Variants in GALK2 observed in about 807,000 individuals in gnomAD.
The protein encoded by GALK2 is galactokinase 2.
Under a neutral mutation model 52.4 loss-of-function variants are expected in GALK2, and 36 were observed. The ratio of observed to expected loss-of-function variants is 0.69; its 90% CI spans 0.53 to 0.91. The LOEUF is 0.91. Among genes scored for constraint, GALK2 ranks in the 40% least tolerant of loss-of-function variants. The pLI is 0.00. For synonymous variants in GALK2, 176 were observed against 199.1 expected, an observed-to-expected ratio of 0.88 and a Z score of 0.98; for missense variants, 579 against 559.1, an observed-to-expected ratio of 1.04 and a Z score of -0.36.
At chr15:49,211,796 C>T (rs1193805797) in intron 2 of GALK2, among the ~76,000 whole-genome samples, 1 of 152,116 alleles carries the variant, frequency 6.6e-6, no homozygotes, top group Non-Finnish European at 1.5e-5. Flanking sequence ...ATCATGAGAA[C>T]CACACTCAGG....
intron 3 of GALK2, chr15:49,366,332 C>T (rs1025652316): frequency 2.5e-6 from 2 of 785,944 alleles, no homozygotes; most frequent in Non-Finnish European, 4.7e-6. Flanking sequence ...AAATAGGATA[C>T]TGTTATTGAC....
chr15:49,300,714 A>C (rs1265168387), intron 8 of GALK2, among the ~76,000 whole-genome samples: 1 of 152,040 alleles, frequency 6.6e-6, no homozygotes, highest in Non-Finnish European at 1.5e-5. Flanking sequence ...GGCTTTTCCA[A>C]CCTTCACTTG....
chr15:49,319,101 C>A (rs1192780446), intron 8 of GALK2: 2 of 373,676 alleles, frequency 5.4e-6, no homozygotes, highest in African/African-American at 4.3e-5. Flanking sequence ...CATGCACCCA[C>A]CATCATCATG....
chr15:49,322,381 C>T (rs2036947818), intron 9 of GALK2, among the ~76,000 whole-genome samples: 1 of 152,182 alleles, frequency 6.6e-6, no homozygotes, highest in Non-Finnish European at 1.5e-5. Context: ...AGATTATCTT[C>T]TGGCTTGTTG....
At chr15:49,277,911 C>A (rs549468027) in intron 5 of GALK2, among the ~76,000 whole-genome samples, 2 of 152,178 alleles carry the variant, frequency 1.3e-5, no homozygotes, top group Non-Finnish European at 2.9e-5. Context: ...TTACTACAGG[C>A]ATGTTTTATT....
At chr15:49,286,852 T>C (rs994302962) in intron 7 of GALK2, among the ~76,000 whole-genome samples, 17 of 152,190 alleles carry the variant, frequency 1.1e-4, no homozygotes, top group African/African-American at 3.6e-4. Flanking sequence ...AGTGTTGCCT[T>C]CCTAAGGAGA....
At chr15:49,205,395 TTTTTTGATTTTTAGATTA>T (rs2088193813) in intron 2 of GALK2, among the ~76,000 whole-genome samples, 2 of 152,180 alleles carry the variant, frequency 1.3e-5, no homozygotes, top group Admixed American at 1.3e-4. Flanking sequence ...ACATCTACTC[TTTTTTGATTTTTAGATTA>T]TGGCCATTCT....
At chr15:49,186,829 G>A (rs7169304) in intron 1 of GALK2, among the ~76,000 whole-genome samples, 35,862 of 152,050 alleles carry the variant, frequency 0.24, 4,637 homozygotes, top group South Asian at 0.33. Context: ...GAGCCACTGC[G>A]CCTGGTCTGT....
intron 5 of GALK2, among the ~76,000 whole-genome samples, chr15:49,244,353 A>G (rs1389136861): frequency 6.6e-6 from 1 of 152,140 alleles, no homozygotes; most frequent in Admixed American, 6.5e-5. Context: ...ACCAAAGAAT[A>G]TCATCTGGAA....
intron 1 of GALK2, among the ~76,000 whole-genome samples, chr15:49,175,930 A>AC (rs2085417382): frequency 6.6e-6 from 1 of 151,704 alleles, no homozygotes; most frequent in Admixed American, 6.6e-5. Flanking sequence ...TCTCATGTGG[A>AC]CCCCCTTAGA....
chr15:49,336,054 TGCCTTG>T (rs564366069), downstream of GALK2, among the ~76,000 whole-genome samples: 7 of 152,276 alleles, frequency 4.6e-5, no homozygotes, highest in East Asian at 1.9e-4. Context: ...GCAATCCTCC[TGCCTTG>T]GCCTCCCAAA....
intron 3 of GALK2, among the ~76,000 whole-genome samples, chr15:49,342,956 C>G (rs1034421370): frequency 6.6e-6 from 1 of 152,032 alleles, no homozygotes; most frequent in Admixed American, 6.6e-5. Flanking sequence ...AAGATTTTTT[C>G]TTTAGCACTG....
chr15:49,281,188 A>G (rs1457248125), intron 5 of GALK2, among the ~76,000 whole-genome samples: 1 of 152,224 alleles, frequency 6.6e-6, no homozygotes, highest in African/African-American at 2.4e-5. Flanking sequence ...TAGCTAGCCA[A>G]TAAACTGGAT....
intron 8 of GALK2, among the ~76,000 whole-genome samples, chr15:49,294,197 A>T (rs549757008): frequency 1.6e-4 from 24 of 151,616 alleles, no homozygotes; most frequent in South Asian, 2.1e-4. Flanking sequence ...GCAAGCAAGC[A>T]AGCTAGCCAG....
At chr15:49,156,142 C>T (rs1248801317) in intron 1 of GALK2, 1 of 920,002 alleles carries the variant, frequency 1.1e-6, no homozygotes, top group East Asian at 2.5e-5. Context: ...TTGTAGTTGA[C>T]AAAACAATTC....
At chr15:49,161,919 A>T (rs1007413284) in intron 1 of GALK2, 1 of 152,466 alleles carries the variant, frequency 6.6e-6, no homozygotes, top group Non-Finnish European at 1.5e-5. Flanking sequence ...AGGTTTCGCC[A>T]TGTTGGCCAG....
intron 3 of GALK2, among the ~76,000 whole-genome samples, chr15:49,338,934 G>C (rs771070127): frequency 1.3e-5 from 2 of 152,020 alleles, no homozygotes; most frequent in Non-Finnish European, 2.9e-5. Flanking sequence ...ATTGATACTT[G>C]TGTATGCTTC....
chr15:49,262,004 T>G (rs1272176467), intron 5 of GALK2, among the ~76,000 whole-genome samples: 1 of 152,182 alleles, frequency 6.6e-6, no homozygotes, highest in Non-Finnish European at 1.5e-5. Context: ...ATCAATGTTC[T>G]TCAAGGATAT....
Position 49,330,589 on chromosome 15 carries a change from C to A in GALK2, c.*2430C>A, listed in dbSNP as rs1429111980. 2.0e-5 allele frequency: 3 copies of A among 152,190 alleles called. No homozygotes were observed. The highest frequency in any genetic ancestry group is 7.2e-5 in the African/African-American group (3 of 41,436). The allele number at this position is 152,190 out of a possible 1,614,324, so 9.4% of individuals were successfully genotyped here. Reference sequence around the variant, plus strand: ...ATCCAGTGCGCTACAGTTTCCACAACTGCTTGTATAATAGTTTCCCTGACA... The same window carrying A: ...ATCCAGTGCGCTACAGTTTCCACAAATGCTTGTATAATAGTTTCCCTGACA... On this transcript the variant is annotated 3_prime_UTR_variant, in exon 10 of 10. Coordinates refer to ENST00000560031, the MANE Select transcript of GALK2 (RefSeq NM_002044.4).
Sources: allele counts gnomAD v4.1 joint callset (sites outside exome capture counted in the v4.1 genomes callset), GRCh38; gene constraint gnomAD v4.1.1; transcripts MANE v1.5; gene names NCBI Gene and HGNC (gene_info 2026-07-23, HGNC 2026-07-21).